Variants in MAP7 observed in about 807,000 individuals in gnomAD.
The protein encoded by MAP7 is microtubule associated protein 7, also known as ensconsin.
In MAP7, 52 loss-of-function variants were observed where a neutral mutation model predicts 94.8. The ratio of observed to expected loss-of-function variants is 0.55; its 90% CI spans 0.44 to 0.69. The LOEUF (loss-of-function observed/expected upper bound fraction) is 0.69, where lower values mean the gene tolerates loss of function less well. MAP7 is among the 30% of genes least tolerant of loss of function. MAP7 has a pLI of 0.00. For synonymous variants in MAP7, 350 were observed against 357.0 expected (o/e 0.98, Z 0.22); for missense variants, 940 against 964.6 (o/e 0.97, Z 0.34).
chr6:136,411,903 T>C (rs1270158904), intron 2 of MAP7, among the ~76,000 whole-genome samples: 7 of 152,200 alleles, frequency 4.6e-5, no homozygotes, highest in Non-Finnish European at 4.4e-5. Context: ...TTTTCTTCTA[T>C]TTGAAAACAT....
At chr6:136,524,434 A>G (rs1291425246) in intron 1 of MAP7, among the ~76,000 whole-genome samples, 3 of 152,218 alleles carry the variant, frequency 2.0e-5, no homozygotes, top group African/African-American at 7.2e-5. Flanking sequence ...TTTGCTGCTA[A>G]AAATTTAAAG....
intron 3 of MAP7, among the ~76,000 whole-genome samples, chr6:136,401,631 TG>T (rs1784108210): frequency 6.6e-6 from 1 of 151,842 alleles, no homozygotes; most frequent in Admixed American, 6.6e-5. Flanking sequence ...GGGCCTGTCG[TG>T]GGGTGGGAGG....
chr6:136,422,964 AGTTG>A (rs1370347992), intron 1 of MAP7, among the ~76,000 whole-genome samples: 2 of 152,242 alleles, frequency 1.3e-5, no homozygotes, highest in Non-Finnish European at 2.9e-5. Flanking sequence ...GTACATAACC[AGTTG>A]AGTGGCGAGA....
intron 8 of MAP7, among the ~76,000 whole-genome samples, chr6:136,370,191 T>C (rs1468318699): frequency 1.3e-5 from 2 of 152,236 alleles, no homozygotes; most frequent in Non-Finnish European, 2.9e-5. Context: ...TCACTGATCA[T>C]TAAAGAAATG....
intron 3 of MAP7, among the ~76,000 whole-genome samples, chr6:136,397,359 TTAGGTTTAAGAATTTCAGAA>T: frequency 6.6e-6 from 1 of 152,244 alleles, no homozygotes; most frequent in South Asian, 2.1e-4. Context: ...ATCAAGCCTA[TTAGGTTTAAGAATTTCAGAA>T]TAGGTTAAAA....
chr6:136,401,860 T>A (rs1441443237), intron 3 of MAP7, among the ~76,000 whole-genome samples: 1 of 152,038 alleles, frequency 6.6e-6, no homozygotes, highest in Non-Finnish European at 1.5e-5. Context: ...TGCTGTAGCC[T>A]CTCCAATCTT....
intron 1 of MAP7, among the ~76,000 whole-genome samples, chr6:136,538,118 G>A (rs2129058758): frequency 6.6e-6 from 1 of 152,284 alleles, no homozygotes; most frequent in East Asian, 1.9e-4. Flanking sequence ...TAAATTCCAA[G>A]TTGAACAAGA....
At chr6:136,368,396 G>A (rs1004163831) in intron 8 of MAP7, among the ~76,000 whole-genome samples, 4 of 152,046 alleles carry the variant, frequency 2.6e-5, no homozygotes, top group African/African-American at 9.7e-5. Flanking sequence ...GCAAGTCAAT[G>A]GTCTGGGCAA....
chr6:136,421,020 T>C (rs1038263726), intron 2 of MAP7, among the ~76,000 whole-genome samples: 2 of 152,316 alleles, frequency 1.3e-5, no homozygotes, highest in Admixed American at 6.5e-5. Flanking sequence ...CCTGTTATCA[T>C]ACTGTACATT....
Position 136,402,282 on chromosome 6 carries a change from T to A in MAP7, c.244+9338A>T, listed in dbSNP as rs559926245. Among the ~76,000 whole-genome samples, 11 of 152,370 alleles carry A rather than the reference T, an allele frequency of 7.2e-5. No individual in the cohort carries two copies. In the South Asian group the frequency reaches 1.0e-3, roughly 14 times the overall value. On this transcript the variant is annotated intron_variant, in intron 3 of 17. Transcript: ENST00000354570. The stretch of plus-strand genomic sequence containing the variant: ...TCTTCCCTATACACACAATGTCTAG[T>A]CTAGCAGATGGTTAAAATATGCTTG...
intron 1 of MAP7, among the ~76,000 whole-genome samples, chr6:136,513,401 C>T (rs1252458880): frequency 1.3e-5 from 2 of 152,206 alleles, no homozygotes; most frequent in Admixed American, 6.5e-5. Context: ...CAAGAAACCA[C>T]TTACTTTGTT....
chr6:136,421,028 A>G (rs1791179767), intron 2 of MAP7, among the ~76,000 whole-genome samples: 1 of 152,108 alleles, frequency 6.6e-6, no homozygotes, highest in Non-Finnish European at 1.5e-5. Flanking sequence ...CATACTGTAC[A>G]TTCATTCCTC....
At chr6:136,450,106 C>A (rs1356144857) in intron 1 of MAP7, among the ~76,000 whole-genome samples, 2 of 152,256 alleles carry the variant, frequency 1.3e-5, no homozygotes, top group East Asian at 3.9e-4. Context: ...GTAGCTTGAA[C>A]CCGGGAGGCA....
intron 1 of MAP7, among the ~76,000 whole-genome samples, chr6:136,507,887 C>T (rs1020534022): frequency 7.2e-5 from 11 of 152,210 alleles, no homozygotes; most frequent in African/African-American, 2.7e-4. Context: ...CAAGTTTTAA[C>T]TCCTACACCG....
intron 11 of MAP7, 94 bp downstream of exon 11, chr6:136,362,356 T>G: frequency 6.8e-7 from 1 of 1,466,260 alleles, no homozygotes; most frequent in Non-Finnish European, 9.3e-7. Context: ...CCATTCACTT[T>G]CATCAGTATT....
intron 9 of MAP7, 121 bp from the exon 10 acceptor site, chr6:136,366,139 G>T: frequency 8.8e-7 from 1 of 1,134,838 alleles, no homozygotes; most frequent in Non-Finnish European, 1.2e-6. Flanking sequence ...TGTTTTTTAT[G>T]TGGTAGATAC....
At chr6:136,545,414 T>G (rs1583167265) in intron 1 of MAP7, 1 of 152,234 alleles carries the variant, frequency 6.6e-6, no homozygotes, top group East Asian at 1.9e-4. Context: ...TTGTTAGAAC[T>G]TGCAATCAAT....
chr6:136,383,168 A>C (rs1003804546), intron 6 of MAP7, among the ~76,000 whole-genome samples: 1 of 152,240 alleles, frequency 6.6e-6, no homozygotes, highest in African/African-American at 2.4e-5. Context: ...ACACCAAAAA[A>C]CCAACAGCAC....
Position 136,540,261 on chromosome 6 carries a change from T to C in MAP7, c.67+10081A>G, listed in dbSNP as rs3799468. ...CTATTTATAGACAGAAGAAACAAGG[T>C]CCAGTCTCCAGAGCCAGGGACCTGG... is the stretch of plus-strand genomic sequence containing the variant. On this transcript the variant is annotated intron_variant, in intron 1 of 17. Coordinates refer to ENST00000354570, the MANE Select transcript of MAP7 (RefSeq NM_003980.6). Among the ~76,000 whole-genome samples the C allele has an allele frequency of 5.5e-3, 836 of 152,164 alleles. 3 individuals are homozygous for C. The highest frequency in any genetic ancestry group is 0.036 in the East Asian group (184 of 5,136).
Sources: allele counts gnomAD v4.1 joint callset (sites outside exome capture counted in the v4.1 genomes callset), GRCh38; gene constraint gnomAD v4.1.1; transcripts MANE v1.5; gene names NCBI Gene and HGNC (gene_info 2026-07-23, HGNC 2026-07-21).